Variants in CCDC146 observed in about 807,000 individuals in gnomAD.
CCDC146 encodes the protein coiled-coil domain-containing protein 146.
A neutral mutation model predicts 119.3 loss-of-function variants in CCDC146; 92 were observed. That is an observed-to-expected ratio of 0.77 (90% confidence interval 0.65 to 0.92). The LOEUF is 0.92. Among genes scored for constraint, CCDC146 ranks in the 40% least tolerant of loss-of-function variants. The pLI is 0.00. For missense variants in CCDC146, 1,000 were observed against 1,103.0 expected (o/e 0.91, Z 1.32); for synonymous variants, 372 against 371.8 (o/e 1.00, Z -0.01).
chr7:77,181,055 G>A (rs912556466), intron 2 of CCDC146, among the ~76,000 whole-genome samples: 3 of 152,188 alleles, frequency 2.0e-5, no homozygotes, highest in African/African-American at 7.2e-5. Context: ...CAGATCAGGG[G>A]ATAATTGTCA....
intron 2 of CCDC146, among the ~76,000 whole-genome samples, chr7:77,201,446 C>T (rs1182873019): frequency 2.0e-5 from 3 of 151,390 alleles, no homozygotes; most frequent in Admixed American, 2.0e-4. Context: ...CCCAGCTACT[C>T]GGGAGGCTGA....
intron 11 of CCDC146, among the ~76,000 whole-genome samples, chr7:77,278,069 G>A (rs562342286): frequency 6.6e-6 from 1 of 152,124 alleles, no homozygotes; most frequent in Non-Finnish European, 1.5e-5. Context: ...ACATACAAAA[G>A]AATGGAAAGC....
intron 2 of CCDC146, among the ~76,000 whole-genome samples, chr7:77,212,300 T>C (rs1268874490): frequency 6.6e-6 from 1 of 152,178 alleles, no homozygotes; most frequent in Admixed American, 6.5e-5. Flanking sequence ...GAATAAGCTT[T>C]CCTATTTAAT....
chr7:77,208,795 C>G (rs1202101791), intron 2 of CCDC146, among the ~76,000 whole-genome samples: 1 of 152,230 alleles, frequency 6.6e-6, no homozygotes, highest in Non-Finnish European at 1.5e-5. Context: ...GTTGCCTTAA[C>G]CTCCTGGGCT....
intron 2 of CCDC146, among the ~76,000 whole-genome samples, chr7:77,206,591 C>T (rs1351254858): frequency 1.3e-5 from 2 of 151,308 alleles, no homozygotes; most frequent in Non-Finnish European, 2.9e-5. Context: ...TGAGATTGCA[C>T]CACTGCACTC....
At chr7:77,188,062 C>T (rs906620156) in intron 2 of CCDC146, among the ~76,000 whole-genome samples, 1 of 152,224 alleles carries the variant, frequency 6.6e-6, no homozygotes, top group African/African-American at 2.4e-5. Context: ...CTGTACCTCG[C>T]TTCCGATTCC....
chr7:77,191,704 C>T (rs1412404359), intron 2 of CCDC146, among the ~76,000 whole-genome samples: 8 of 151,910 alleles, frequency 5.3e-5, no homozygotes, highest in Non-Finnish European at 8.8e-5. Context: ...GTCAGGAGAT[C>T]GAGACCATCC....
rs777326624 is a variant in CCDC146, at chr7:77,287,594, G to A, written c.2415+17G>A. The A allele has an allele frequency of 6.2e-7, 1 of 1,607,680 alleles. No individual in the cohort carries two copies. Among genetic ancestry groups the A allele is most frequent in the Non-Finnish European group, 8.5e-7 (1 of 1,176,968 alleles). On this transcript the variant is annotated intron_variant, in intron 17 of 18. Transcript: ENST00000285871. ...GCCAAGAAGGTAGGCCTGAGACCCTGCCTTTTCCCTTCTGCCCCTGCTCCT... is the reference window on the plus strand; with the variant it reads ...GCCAAGAAGGTAGGCCTGAGACCCTACCTTTTCCCTTCTGCCCCTGCTCCT...
intron 1 of CCDC146, among the ~76,000 whole-genome samples, chr7:77,141,839 G>A (rs566960545): frequency 2.2e-3 from 337 of 152,028 alleles, no homozygotes; most frequent in African/African-American, 7.9e-3. Context: ...GATAGATTGC[G>A]GAAATTTTCT....
At chr7:77,214,591 C>T (rs556176907) in intron 2 of CCDC146, among the ~76,000 whole-genome samples, 75 of 152,198 alleles carry the variant, frequency 4.9e-4, no homozygotes, top group African/African-American at 1.7e-3. Flanking sequence ...TTTAATCCCT[C>T]TTGAGTTAAT....
intron 2 of CCDC146, among the ~76,000 whole-genome samples, chr7:77,181,279 C>T (rs1584047461): frequency 2.0e-5 from 3 of 152,146 alleles, no homozygotes; most frequent in Admixed American, 2.0e-4. Context: ...TGAATAATTT[C>T]ACTGGGCTCT....
chr7:77,163,114 G>A (rs987340707), intron 1 of CCDC146, among the ~76,000 whole-genome samples: 1 of 152,122 alleles, frequency 6.6e-6, no homozygotes, highest in Non-Finnish European at 1.5e-5. Context: ...CTGAGAAATT[G>A]TCTGAACCTA....
At chr7:77,211,721 T>C (rs1463851508) in intron 2 of CCDC146, among the ~76,000 whole-genome samples, 3 of 152,156 alleles carry the variant, frequency 2.0e-5, no homozygotes, top group Non-Finnish European at 2.9e-5. Context: ...ATTCAAATGA[T>C]TCTCCTGCCT....
At chr7:77,186,510 AG>A (rs984776408) in intron 2 of CCDC146, among the ~76,000 whole-genome samples, 19 of 152,038 alleles carry the variant, frequency 1.2e-4, no homozygotes, top group Non-Finnish European at 2.4e-4. Flanking sequence ...TGGGGAGGGC[AG>A]GGGGTAAGTG....
intron 8 of CCDC146, among the ~76,000 whole-genome samples, chr7:77,261,074 A>G (rs1281451805): frequency 1.3e-5 from 2 of 151,208 alleles, no homozygotes; most frequent in East Asian, 1.9e-4. Flanking sequence ...ATTATTTACA[A>G]TTTATGATTC....
At chr7:77,187,766 C>A (rs1297498746) in intron 2 of CCDC146, among the ~76,000 whole-genome samples, 1 of 152,136 alleles carries the variant, frequency 6.6e-6, no homozygotes, top group Admixed American at 6.5e-5. Context: ...GAGTATGCTC[C>A]TTACCCAAGG....
intron 2 of CCDC146, chr7:77,195,138 A>C (rs1279272025): frequency 6.6e-6 from 1 of 152,040 alleles, no homozygotes; most frequent in African/African-American, 2.4e-5. Context: ...CTGTAAGTAA[A>C]TGCTTCATTA....
At chr7:77,152,460 A>G (rs1406094553) in intron 1 of CCDC146, among the ~76,000 whole-genome samples, 3 of 152,180 alleles carry the variant, frequency 2.0e-5, no homozygotes, top group Non-Finnish European at 4.4e-5. Context: ...GAGGCTATGA[A>G]ATTTGTAGAC....
chr7:77,282,836 C>T (rs1562861817), intron 15 of CCDC146, 51 bp downstream of exon 15: 2 of 1,335,050 alleles, frequency 1.5e-6, no homozygotes, highest in Non-Finnish European at 2.1e-6. Flanking sequence ...TTTTTTCTGC[C>T]TTTATTAGTT....
Sources: gnomAD v4.1 joint callset for allele counts (sites outside exome capture counted in the v4.1 genomes callset) on GRCh38, gnomAD v4.1.1 for gene constraint, MANE v1.5 for transcripts, NCBI Gene and HGNC (gene_info 2026-07-23, HGNC 2026-07-21) for gene names.